The following RNGTT variants were observed in gnomAD, a reference collection of about 807,000 sequenced individuals.
RNGTT encodes the protein RNA guanylyltransferase and 5'-phosphatase.
In RNGTT, 33 loss-of-function variants were observed where a neutral mutation model predicts 79.3. The observed-to-expected ratio is 0.42, with a 90% CI of 0.32 to 0.56. RNGTT has a LOEUF of 0.56. Among genes scored for constraint, RNGTT ranks in the 20% least tolerant of loss-of-function variants. The pLI, the probability that RNGTT is intolerant of heterozygous loss-of-function variation, is 0.17. For synonymous variants in RNGTT, 222 were observed against 235.9 expected (o/e 0.94, Z 0.54); for missense variants, 497 against 739.1 (o/e 0.67, Z 3.80).
intron 14 of RNGTT, among the ~76,000 whole-genome samples, chr6:88,670,475 A>C (rs556975590): frequency 2.7e-4 from 41 of 152,168 alleles, no homozygotes; most frequent in Non-Finnish European, 4.7e-4. Context: ...AATTCCCACT[A>C]ATAAGTGAGA....
At chr6:88,702,341 A>G (rs552265721) in intron 13 of RNGTT, among the ~76,000 whole-genome samples, 1 of 152,154 alleles carries the variant, frequency 6.6e-6, no homozygotes. Context: ...GCCAAACCAC[A>G]TGATACTGGT....
At chr6:88,832,490 A>G (rs569755046) in intron 11 of RNGTT, among the ~76,000 whole-genome samples, 1 of 152,318 alleles carries the variant, frequency 6.6e-6, no homozygotes, top group African/African-American at 2.4e-5. Context: ...CCTGTAAGAA[A>G]ACCTAGGCAA....
chr6:88,769,852 T>C lies in RNGTT; in HGVS notation c.1361A>G (p.Asp454Gly). ...GGGAGGCTTCCATTTCAAAATATCA[T>C]CACATCGACCAGGTTTGTATTTCTA... ...PTGKYKPGRCDDILKWKPPSL... is the reference protein window; with the variant it reads ...PTGKYKPGRCGDILKWKPPSL... The change falls in exon 13 of 16, where the codon GAT becomes GGT. Residue 454 changes from aspartate (D) to glycine (G), a missense_variant. Transcript: ENST00000369485. 1 of 1,611,132 alleles carries C rather than the reference T, an allele frequency of 6.2e-7. No homozygotes were observed. Among genetic ancestry groups the C allele is most frequent in the Non-Finnish European group, 8.5e-7 (1 of 1,178,086 alleles).
intron 14 of RNGTT, among the ~76,000 whole-genome samples, chr6:88,634,643 T>A (rs2756377): frequency 6.6e-6 from 1 of 152,086 alleles, no homozygotes; most frequent in Admixed American, 6.5e-5. Flanking sequence ...ACTTAACGAA[T>A]AGCCTACTGA....
At chr6:88,664,454 C>A (rs1774314248) in intron 14 of RNGTT, among the ~76,000 whole-genome samples, 1 of 152,120 alleles carries the variant, frequency 6.6e-6, no homozygotes, top group Admixed American at 6.5e-5. Context: ...TGGAAATAGC[C>A]AACCAAGTGT....
intron 14 of RNGTT, chr6:88,678,118 C>A: frequency 1.6e-6 from 1 of 617,606 alleles, no homozygotes; most frequent in Non-Finnish European, 2.2e-6. Flanking sequence ...TCCAGAGTAG[C>A]TGGGACTATA....
intron 13 of RNGTT, among the ~76,000 whole-genome samples, chr6:88,747,047 C>T (rs9353600): frequency 0.14 from 21,317 of 152,050 alleles, 1,638 homozygotes; most frequent in Middle Eastern, 0.24. Flanking sequence ...ACTTAATAAC[C>T]GGCAGAATCC....
intron 1 of RNGTT, among the ~76,000 whole-genome samples, chr6:88,942,256 A>G (rs546680381): frequency 8.5e-5 from 13 of 152,344 alleles, no homozygotes; most frequent in African/African-American, 2.9e-4. Flanking sequence ...AACAACTATC[A>G]GTGGTTATTT....
chr6:88,956,061 AAAAG>A (rs1785421204), intron 1 of RNGTT, among the ~76,000 whole-genome samples: 1 of 151,198 alleles, frequency 6.6e-6, no homozygotes, highest in Non-Finnish European at 1.5e-5. Flanking sequence ...AAAAAAAAAA[AAAAG>A]CTGGTTCTTT....
intron 1 of RNGTT, among the ~76,000 whole-genome samples, chr6:88,958,244 G>T (rs1486115242): frequency 1.3e-5 from 2 of 152,122 alleles, no homozygotes; most frequent in Non-Finnish European, 2.9e-5. Context: ...TCAAACTTAA[G>T]TAAGATCTGA....
intron 4 of RNGTT, among the ~76,000 whole-genome samples, chr6:88,912,973 G>C (rs371797105): frequency 7.7e-4 from 117 of 152,204 alleles, no homozygotes; most frequent in African/African-American, 2.8e-3. Context: ...AGGAGGCTGA[G>C]GCAGGCAGAT....
At chr6:88,678,063 G>C (rs1364676680) in intron 14 of RNGTT, 4 of 192,600 alleles carry the variant, frequency 2.1e-5, no homozygotes, top group Non-Finnish European at 3.8e-5. Flanking sequence ...ACGGCTCACT[G>C]CAGCCTCAAA....
intron 14 of RNGTT, among the ~76,000 whole-genome samples, chr6:88,660,621 A>C (rs1774147861): frequency 6.6e-6 from 1 of 152,152 alleles, no homozygotes; most frequent in Admixed American, 6.5e-5. Context: ...AAAATATCAC[A>C]ATCCTAAATA....
chr6:88,835,807 T>G (rs1781045935), intron 11 of RNGTT, among the ~76,000 whole-genome samples: 1 of 151,938 alleles, frequency 6.6e-6, no homozygotes, highest in African/African-American at 2.4e-5. Flanking sequence ...ACCAGAATTT[T>G]AAGGTGATAG....
chr6:88,794,935 C>T (rs1235096460), intron 12 of RNGTT, among the ~76,000 whole-genome samples: 3 of 152,100 alleles, frequency 2.0e-5, no homozygotes, highest in Non-Finnish European at 4.4e-5. Context: ...CTCTCTTAGA[C>T]TGGTGGCCTC....
intron 11 of RNGTT, among the ~76,000 whole-genome samples, chr6:88,830,742 AT>A (rs1780832871): frequency 6.6e-6 from 1 of 152,194 alleles, no homozygotes; most frequent in Non-Finnish European, 1.5e-5. Flanking sequence ...CAATAAAAAA[AT>A]GAAAAAGGAG....
chr6:88,848,155 G>A (rs1228827165), intron 10 of RNGTT, among the ~76,000 whole-genome samples: 3 of 151,330 alleles, frequency 2.0e-5, no homozygotes, highest in African/African-American at 7.3e-5. Context: ...ATTAAAACAG[G>A]ATGATACCAT....
intron 13 of RNGTT, among the ~76,000 whole-genome samples, chr6:88,714,899 C>T (rs1338426318): frequency 1.3e-5 from 2 of 152,068 alleles, no homozygotes; most frequent in Non-Finnish European, 2.9e-5. Context: ...CCTTTGAAAA[C>T]TGGCACAAGA....
intron 11 of RNGTT, among the ~76,000 whole-genome samples, chr6:88,824,452 C>T (rs9362568): frequency 0.15 from 23,060 of 152,210 alleles, 1,892 homozygotes; most frequent in Middle Eastern, 0.25. Context: ...GACCAAAACA[C>T]TGTTAAGTGG....
Sources: allele counts gnomAD v4.1 joint callset (sites outside exome capture counted in the v4.1 genomes callset), GRCh38; gene constraint gnomAD v4.1.1; transcripts MANE v1.5; gene names NCBI Gene and HGNC (gene_info 2026-07-23, HGNC 2026-07-21).